STK3: variants seen among roughly 807,000 people sequenced by gnomAD.
STK3 encodes serine/threonine-protein kinase 3.
Under a neutral mutation model 58.0 loss-of-function variants are expected in STK3, and 41 were observed. That is an observed-to-expected ratio of 0.71 (90% CI 0.55 to 0.92). STK3 has a LOEUF of 0.92. Ranked by LOEUF, STK3 falls within the 40% of genes least tolerant of loss-of-function variation. The pLI, the probability that STK3 is intolerant of heterozygous loss-of-function variation, is 0.00. For missense variants in STK3, 479 were observed against 602.7 expected (o/e 0.79, Z 2.15); for synonymous variants, 170 against 191.0 (o/e 0.89, Z 0.91).
chr8:98,817,330 C>T (rs1299346031), intron 1 of STK3, among the ~76,000 whole-genome samples: 5 of 151,716 alleles, frequency 3.3e-5, no homozygotes, highest in Non-Finnish European at 7.4e-5. Flanking sequence ...GGCACACGCC[C>T]GTAGTCCCAG....
intron 1 of STK3, among the ~76,000 whole-genome samples, chr8:98,790,573 A>G (rs1409357322): frequency 1.3e-5 from 2 of 152,244 alleles, no homozygotes; most frequent in Admixed American, 6.5e-5. Context: ...CTGAATAGGA[A>G]AAAGCTGAAA....
chr8:98,817,824 T>C (rs1252899661), intron 1 of STK3, among the ~76,000 whole-genome samples: 1 of 152,194 alleles, frequency 6.6e-6, no homozygotes, highest in African/African-American at 2.4e-5. Flanking sequence ...GTTTCTCTTT[T>C]ATTCTTAACC....
At position 98,865,796 on chromosome 8, in the gene STK3, G is replaced by A. The variant is rs559530003; in HGVS notation, c.110+17851C>T. ...CAAAGTCCATCTAAGTCTATATTAC[G>A]TTGCAACACAGTGGAGTATCAAAGC... is the stretch of plus-strand genomic sequence containing the variant. On this transcript the variant is annotated intron_variant, in intron 3 of 12. Transcript: ENST00000523601. 5.9e-4 allele frequency among the ~76,000 whole-genome samples: 90 copies of A among 152,302 alleles called. 1 individual carries two copies. In the Middle Eastern group the frequency reaches 0.01, roughly 17 times the overall value.
At chr8:98,721,371 A>G (rs1827412077) in intron 4 of STK3, among the ~76,000 whole-genome samples, 1 of 152,040 alleles carries the variant, frequency 6.6e-6, no homozygotes, top group African/African-American at 2.4e-5. Flanking sequence ...ACCTTAGAAA[A>G]CTCAGAAAAA....
At chr8:98,765,711 C>G (rs1312621895) in intron 3 of STK3, among the ~76,000 whole-genome samples, 2 of 152,230 alleles carry the variant, frequency 1.3e-5, no homozygotes, top group Non-Finnish European at 2.9e-5. Context: ...AAAGCACATG[C>G]TAACGATGAG....
intron 6 of STK3, among the ~76,000 whole-genome samples, chr8:98,625,028 T>A (rs567336263): frequency 1.3e-5 from 2 of 152,018 alleles, no homozygotes; most frequent in South Asian, 2.1e-4. Context: ...ATGAGAAAGA[T>A]CGAAAGATTG....
chr8:98,587,902 C>G (rs995556445), intron 7 of STK3, among the ~76,000 whole-genome samples: 14 of 152,008 alleles, frequency 9.2e-5, no homozygotes, highest in Non-Finnish European at 2.1e-4. Flanking sequence ...TCTGTTTTAT[C>G]AGAGACTAGG....
intron 6 of STK3, among the ~76,000 whole-genome samples, chr8:98,670,416 T>C (rs768636800): frequency 1.3e-5 from 2 of 152,084 alleles, no homozygotes; most frequent in African/African-American, 2.4e-5. Context: ...TACTGACACA[T>C]GATAAGCAAT....
intron 7 of STK3, among the ~76,000 whole-genome samples, chr8:98,589,086 C>T (rs1221915417): frequency 6.6e-6 from 1 of 152,158 alleles, no homozygotes; most frequent in Non-Finnish European, 1.5e-5. Context: ...CTGAAGCCTT[C>T]TTCTCTCAGC....
intron 1 of STK3, among the ~76,000 whole-genome samples, chr8:98,904,112 T>C (rs1328383939): frequency 6.6e-6 from 1 of 152,068 alleles, no homozygotes; most frequent in Non-Finnish European, 1.5e-5. Context: ...ACAGGTCAGA[T>C]ATAAAAAAAC....
chr8:98,695,161 T>A (rs906392272), intron 6 of STK3, among the ~76,000 whole-genome samples: 3 of 152,248 alleles, frequency 2.0e-5, no homozygotes, highest in Non-Finnish European at 4.4e-5. Flanking sequence ...CTGAGAAGTG[T>A]CTGTTCATGT....
intron 6 of STK3, among the ~76,000 whole-genome samples, chr8:98,662,945 A>T (rs976921321): frequency 3.9e-5 from 6 of 152,154 alleles, no homozygotes; most frequent in Admixed American, 3.3e-4. Flanking sequence ...AACCTAGGCA[A>T]TACCATTCAG....
chr8:98,781,645 T>C (rs866598040), intron 1 of STK3, among the ~76,000 whole-genome samples: 22 of 152,280 alleles, frequency 1.4e-4, no homozygotes, highest in African/African-American at 4.3e-4. Flanking sequence ...ATATTCCAGA[T>C]TCTCCCTAGA....
At chr8:98,595,474 A>T (rs1320669507) in intron 7 of STK3, 1 of 152,126 alleles carries the variant, frequency 6.6e-6, no homozygotes, top group Non-Finnish European at 1.5e-5. Flanking sequence ...TGAAAGTTCT[A>T]AGACTATTCT....
At chr8:98,872,574 G>A (rs1187851300) in intron 3 of STK3, among the ~76,000 whole-genome samples, 1 of 152,174 alleles carries the variant, frequency 6.6e-6, no homozygotes, top group Non-Finnish European at 1.5e-5. Context: ...TTGGGAGGGT[G>A]TATGTGTCGA....
At position 98,918,819 on chromosome 8, in the gene STK3, G is replaced by T. The variant is rs959603487; in HGVS notation, c.-79+23559C>A. Among the ~76,000 whole-genome samples the T allele has an allele frequency of 2.6e-5, 4 of 151,984 alleles. No individual in the cohort carries two copies. The East Asian group carries it at 7.7e-4, about 29-fold the overall frequency. On this transcript the variant is annotated intron_variant, in intron 1 of 1. Transcript: ENST00000519420. ...TTTAAAAAAGAAAATCTAAACCTTT[G>T]TTTAAGGTGTTACTCTCCAATGTTC...
chr8:98,536,177 T>A (rs1809751671), intron 9 of STK3, among the ~76,000 whole-genome samples: 1 of 152,084 alleles, frequency 6.6e-6, no homozygotes, highest in African/African-American at 2.4e-5. Context: ...TGTCTCAAAG[T>A]GAAAAATTTG....
intron 6 of STK3, among the ~76,000 whole-genome samples, chr8:98,689,442 C>T (rs1441136354): frequency 1.3e-5 from 2 of 152,008 alleles, no homozygotes; most frequent in African/African-American, 4.8e-5. Flanking sequence ...AAATTACAGG[C>T]CAATATCCCT....
intron 3 of STK3, 31 bp downstream of exon 3, chr8:98,767,212 G>A: frequency 6.4e-7 from 1 of 1,553,698 alleles, no homozygotes; most frequent in Non-Finnish European, 8.7e-7. Context: ...GTCAAAACAA[G>A]GGTAAGCAAA....
Sources: allele counts gnomAD v4.1 joint callset (sites outside exome capture counted in the v4.1 genomes callset), GRCh38; gene constraint gnomAD v4.1.1; transcripts MANE v1.5; gene names NCBI Gene and HGNC (gene_info 2026-07-23, HGNC 2026-07-21).